Variants in WWC2 observed in about 807,000 individuals in gnomAD.
WWC2 encodes the protein protein WWC2.
WWC2 carries 101 observed loss-of-function variants against 138.5 expected under a neutral mutation model. The observed-to-expected ratio is 0.73, with a 90% CI of 0.62 to 0.86. The LOEUF is 0.86. Ranked by LOEUF, WWC2 falls within the 40% of genes least tolerant of loss-of-function variation. The probability of loss-of-function intolerance (pLI) is 0.00; values close to 1 mark genes in which losing one functional copy is unlikely to be tolerated. For missense variants in WWC2, 1,420 were observed against 1,419.4 expected (o/e 1.00, Z -0.01); for synonymous variants, 558 against 538.4 (o/e 1.04, Z -0.50).
At chr4:183,138,930 G>GGT (rs1360398408) in intron 1 of WWC2, among the ~76,000 whole-genome samples, 10 of 152,132 alleles carry the variant, frequency 6.6e-5, no homozygotes, top group African/African-American at 2.4e-4. Context: ...ATGTACTACA[G>GGT]GTAACAGCTG....
At chr4:183,300,190 A>G (rs1025566154) in intron 21 of WWC2, among the ~76,000 whole-genome samples, 3 of 152,064 alleles carry the variant, frequency 2.0e-5, no homozygotes, top group Admixed American at 2.0e-4. Flanking sequence ...GAGGTGAATC[A>G]CACCCTTCTG....
Position 183,289,455 on chromosome 4 carries a change from C to T in WWC2, c.3204C>T (p.Asp1068=). The change falls in exon 21 of 23, where the codon GAC becomes GAT. Residue 1068 remains aspartate (D), a synonymous_variant. Transcript: ENST00000403733. ...AATGCCCAGTGCGGACATCTCTAGACTTAGAACTGGACCTTCAGGCATCTC... is the reference window on the plus strand; with the variant it reads ...AATGCCCAGTGCGGACATCTCTAGATTTAGAACTGGACCTTCAGGCATCTC... ...TQECPVRTSL[D]LELDLQASLT... is the part of the protein sequence containing the mutation. 2 of 1,613,198 alleles carry T rather than the reference C, an allele frequency of 1.2e-6. No individual in the cohort carries two copies. The highest frequency in any genetic ancestry group is 1.7e-6 in the Non-Finnish European group (2 of 1,179,516).
At chr4:183,148,704 T>C (rs545504784) in intron 1 of WWC2, among the ~76,000 whole-genome samples, 1 of 152,298 alleles carries the variant, frequency 6.6e-6, no homozygotes, top group Middle Eastern at 3.4e-3. Flanking sequence ...CAACTTCTGT[T>C]CCCAAATTTG....
At chr4:183,268,333 T>C (rs1239025158) in intron 14 of WWC2, among the ~76,000 whole-genome samples, 10 of 152,240 alleles carry the variant, frequency 6.6e-5, no homozygotes, top group East Asian at 1.9e-4. Flanking sequence ...TTAGAAGTTA[T>C]TGTTTTTCTA....
intron 19 of WWC2, among the ~76,000 whole-genome samples, chr4:183,284,663 G>A (rs139490652): frequency 2.0e-5 from 3 of 152,258 alleles, no homozygotes; most frequent in Non-Finnish European, 2.9e-5. Context: ...GTATTTGTAC[G>A]TTATTTGGAC....
In WWC2 at chr4:183,309,960, G is replaced by T. The variant is rs760050530; in HGVS notation, c.3385-2381G>T. 4.6e-5 allele frequency among the ~76,000 whole-genome samples: 7 copies of T among 152,282 alleles called. No individual in the cohort carries two copies. In the East Asian group the frequency reaches 1.3e-3, roughly 29 times the overall value. Reference sequence around the variant, plus strand: ...ATGCATACACCAAGTGAAAGATGCCGTTCTAAACAGGCAGTGTACTGCATC... The same window carrying T: ...ATGCATACACCAAGTGAAAGATGCCTTTCTAAACAGGCAGTGTACTGCATC... On this transcript the variant is annotated intron_variant, in intron 21 of 22. Transcript: ENST00000403733.
intron 5 of WWC2, among the ~76,000 whole-genome samples, chr4:183,241,711 A>G (rs1457298179): frequency 6.6e-6 from 1 of 152,112 alleles, no homozygotes; most frequent in African/African-American, 2.4e-5. Context: ...CCGATAAACC[A>G]GGCAGAACTA....
At chr4:183,129,839 C>T (rs541522783) in intron 1 of WWC2, among the ~76,000 whole-genome samples, 1 of 152,222 alleles carries the variant, frequency 6.6e-6, no homozygotes, top group South Asian at 2.1e-4. Flanking sequence ...TTTGTGATAG[C>T]TCTATGTCTG....
At chr4:183,286,125 C>A in intron 20 of WWC2, 66 bp downstream of exon 20, 1 of 1,400,686 alleles carries the variant, frequency 7.1e-7, no homozygotes. Flanking sequence ...TTGTGCAGCA[C>A]AAACTCCAGA....
intron 4 of WWC2, among the ~76,000 whole-genome samples, chr4:183,213,917 A>G (rs112662007): frequency 5.5e-4 from 83 of 151,896 alleles, no homozygotes; most frequent in African/African-American, 1.9e-3. Flanking sequence ...TTTAAATTCA[A>G]TTGCCGTTAA....
At chr4:183,143,626 G>A (rs1579982201) in intron 1 of WWC2, among the ~76,000 whole-genome samples, 1 of 151,758 alleles carries the variant, frequency 6.6e-6, no homozygotes, top group East Asian at 1.9e-4. Context: ...TGGGCAATAT[G>A]GCAAACCCCA....
At chr4:183,151,794 G>A (rs1733642070) in intron 1 of WWC2, among the ~76,000 whole-genome samples, 1 of 152,140 alleles carries the variant, frequency 6.6e-6, no homozygotes, top group Non-Finnish European at 1.5e-5. Context: ...TATTAAATAG[G>A]GAATCCTTTC....
chr4:183,239,229 C>T (rs7681042), intron 4 of WWC2, among the ~76,000 whole-genome samples: 26,354 of 151,902 alleles, frequency 0.17, 2,365 homozygotes, highest in South Asian at 0.24. Flanking sequence ...GCATGAGAAT[C>T]GCTTGAACCC....
chr4:183,217,464 T>C (rs1735789599), intron 4 of WWC2, among the ~76,000 whole-genome samples: 1 of 152,072 alleles, frequency 6.6e-6, no homozygotes, highest in Admixed American at 6.6e-5. Flanking sequence ...CAAGGAAATA[T>C]GATCCACAAC....
intron 1 of WWC2, among the ~76,000 whole-genome samples, chr4:183,170,690 GATTT>G (rs1405290135): frequency 6.6e-6 from 1 of 152,064 alleles, no homozygotes; most frequent in Non-Finnish European, 1.5e-5. Flanking sequence ...ATCATGTTGT[GATTT>G]ATTTATTTAT....
intron 1 of WWC2, among the ~76,000 whole-genome samples, chr4:183,189,858 C>T (rs1366582302): frequency 6.6e-6 from 1 of 152,090 alleles, no homozygotes; most frequent in East Asian, 1.9e-4. Context: ...TGTGCTTGTA[C>T]TCACCATCAT....
intron 15 of WWC2, among the ~76,000 whole-genome samples, 199 bp from the exon 16 acceptor site, chr4:183,270,881 T>C (rs1188490836): frequency 6.6e-6 from 1 of 152,218 alleles, no homozygotes; most frequent in African/African-American, 2.4e-5. Context: ...GGGTTATTTC[T>C]TACTTAGTCA....
At chr4:183,124,536 CTTTT>C (rs370409813) in intron 1 of WWC2, among the ~76,000 whole-genome samples, 1 of 122,798 alleles carries the variant, frequency 8.1e-6, no homozygotes, top group Non-Finnish European at 1.7e-5. Context: ...TCCTTTTTCT[CTTTT>C]TTTTTTTTTT....
Position 183,130,946 on chromosome 4 carries a change from C to T in WWC2, c.131+31324C>T, listed in dbSNP as rs548703741. Among the ~76,000 whole-genome samples the T allele has an allele frequency of 6.6e-5, 10 of 152,260 alleles. No homozygotes were observed. The East Asian group carries it at 1.7e-3, about 26-fold the overall frequency. ...CTAGACTAGTGTTTGATCAAATATC[C>T]GGGTACTGTGTCCTAGCCAGTTTGA... On this transcript the variant is annotated intron_variant, in intron 1 of 22. Transcript: ENST00000403733.
Sources: gnomAD v4.1 joint callset for allele counts (sites outside exome capture counted in the v4.1 genomes callset) on GRCh38, gnomAD v4.1.1 for gene constraint, MANE v1.5 for transcripts, NCBI Gene and HGNC (gene_info 2026-07-23, HGNC 2026-07-21) for gene names.